CMC2: variants seen among roughly 807,000 people sequenced by gnomAD.
CMC2 encodes the protein COX assembly mitochondrial protein 2 homolog.
Under a neutral mutation model 7.5 loss-of-function variants are expected in CMC2, and 5 were observed. That is an observed-to-expected ratio of 0.66 (90% confidence interval 0.35 to 1.40). CMC2 has a LOEUF of 1.40. Ranked by LOEUF, CMC2 falls within the 40% of genes most tolerant of loss-of-function variation. The pLI is 0.04. For synonymous variants in CMC2, 37 were observed against 31.4 expected (o/e 1.18, Z -0.60); for missense variants, 115 against 92.3 (o/e 1.25, Z -1.01).
At chr16:81,004,755 T>A (rs898452716) in intron 1 of CMC2, among the ~76,000 whole-genome samples, 2 of 152,204 alleles carry the variant, frequency 1.3e-5, no homozygotes, top group Non-Finnish European at 2.9e-5. Context: ...ACTCCTTCAA[T>A]CTTTGTCTAC....
In CMC2 at chr16:80,997,066, C is replaced by T. The variant is rs12103409; in HGVS notation, c.81+248G>A. 9.2e-3 allele frequency: 5,021 copies of T among 548,350 alleles called. 175 individuals are homozygous for T. Among genetic ancestry groups the T allele is most frequent in the African/African-American group, 0.081 (4,286 of 52,706 alleles). The allele number at this position is 548,350 out of a possible 1,614,324, so 34.0% of individuals were successfully genotyped here. On this transcript the variant is annotated intron_variant, in intron 2 of 3. Coordinates refer to ENST00000219400, the MANE Select transcript of CMC2 (RefSeq NM_020188.5). ...GCATTTTATTGTAAGAACATGGATTCCAACTGTTACATACCAGTTCAGACG... is the reference window on the plus strand; with the variant it reads ...GCATTTTATTGTAAGAACATGGATTTCAACTGTTACATACCAGTTCAGACG...
At position 80,973,822 on chromosome 16, in the gene CMC2, G is replaced by T. The variant is rs1912095897; in HGVS notation, c.*2271C>A. 6.6e-6 allele frequency: 1 copy of T among 152,172 alleles called. No homozygotes were observed. The highest frequency in any genetic ancestry group is 2.4e-5 in the African/African-American group (1 of 41,428). 9.4% of individuals were successfully genotyped at this position (152,172 alleles called of 1,614,324 possible). ...CTTTACTCTACAGGGATCAGCAACA[G>T]CTGCAACACAAGAGAGTAAGACCTA... is the stretch of plus-strand genomic sequence containing the variant. On this transcript the variant is annotated 3_prime_UTR_variant, in exon 4 of 4. Coordinates refer to ENST00000219400, the MANE Select transcript of CMC2 (RefSeq NM_020188.5).
intron 2 of CMC2, among the ~76,000 whole-genome samples, chr16:80,995,833 G>A (rs1214179817): frequency 6.6e-6 from 1 of 152,164 alleles, no homozygotes; most frequent in Non-Finnish European, 1.5e-5. Flanking sequence ...GATCTTGACT[G>A]TGATGGTGGT....
intron 1 of CMC2, among the ~76,000 whole-genome samples, chr16:81,005,972 A>C (rs1482053221): frequency 6.6e-6 from 1 of 152,226 alleles, no homozygotes; most frequent in African/African-American, 2.4e-5. Flanking sequence ...AAAGGATGAA[A>C]AAGAAACTCA....
rs1468960317 is a variant in CMC2 at position 80,969,201 on chromosome 16, T to C, written c.*6892A>G. 2 of 152,104 alleles carry C rather than the reference T, an allele frequency of 1.3e-5. No homozygotes were observed. The highest frequency in any genetic ancestry group is 2.9e-5 in the Non-Finnish European group (2 of 68,028). The allele number at this position is 152,104 out of a possible 1,614,324, so 9.4% of individuals were successfully genotyped here. ...AGACAGTATTTACAACAAAATTAGG[T>C]TAAAATGTAACCCTCATATCCCAAA... On this transcript the variant is annotated 3_prime_UTR_variant, in exon 4 of 4. Transcript: ENST00000219400.
chr16:80,997,296 G>C lies in CMC2; in HGVS notation c.81+18C>G, dbSNP rs543245885. On this transcript the variant is annotated intron_variant, in intron 2 of 3. Coordinates refer to ENST00000219400, the MANE Select transcript of CMC2 (RefSeq NM_020188.5). ...TAAGTTTCATTTTGGCTGTACAGTC[G>C]TTTTTCTGAACTCTTACATTTTTGT... 2.9e-6 allele frequency: 4 copies of C among 1,376,544 alleles called. No homozygotes were observed. Among genetic ancestry groups the C allele is most frequent in the African/African-American group, 1.4e-5 (1 of 70,068 alleles). The allele number at this position is 1,376,544 out of a possible 1,614,324, so 85.3% of individuals were successfully genotyped here. A position where few individuals can be genotyped will look rare whatever the true frequency, so the allele number is the denominator to read the frequency against.
rs756277382 is a variant in CMC2, at chr16:80,976,196, G to C, written c.154-17C>G. 1.3e-5 allele frequency: 18 copies of C among 1,406,412 alleles called. No individual in the cohort carries two copies. The African/African-American group carries it at 2.2e-4, about 17-fold the overall frequency. 87.1% of individuals were successfully genotyped at this position (1,406,412 alleles called of 1,614,324 possible). ...TTCTACGTACTGAAAAATAAAAGAA[G>C]GGGGGGAGAAAAGAAACAGCAGATT... On this transcript the variant is annotated splice_polypyrimidine_tract_variant and intron_variant, in intron 3 of 3. Transcript: ENST00000219400.
chr16:81,001,130 T>C (rs545159667), intron 1 of CMC2: 1 of 152,240 alleles, frequency 6.6e-6, no homozygotes, highest in Admixed American at 6.5e-5. Flanking sequence ...CACTTATAAG[T>C]GGGAGCTAAA....
intron 1 of CMC2, among the ~76,000 whole-genome samples, chr16:81,003,343 T>C (rs571677332): frequency 1.3e-3 from 194 of 152,388 alleles, no homozygotes; most frequent in African/African-American, 4.5e-3. Context: ...CATAAGAAGA[T>C]ATCAACGTTA....
intron 2 of CMC2, among the ~76,000 whole-genome samples, chr16:80,995,977 C>A (rs1968386132): frequency 6.6e-6 from 1 of 151,078 alleles, no homozygotes. Context: ...TTCAAGAAGC[C>A]ACCTTTATTA....
chr16:80,992,805 C>T (rs1968111821), intron 2 of CMC2, among the ~76,000 whole-genome samples: 1 of 150,624 alleles, frequency 6.6e-6, no homozygotes, highest in Non-Finnish European at 1.5e-5. Context: ...GATCCTACTA[C>T]CTCAACCTTC....
At chr16:80,978,352 C>A in intron 3 of CMC2, 1 of 1,265,110 alleles carries the variant, frequency 7.9e-7, no homozygotes, top group Non-Finnish European at 1.0e-6. Context: ...AGTTACAAAG[C>A]AAATTAAAAT....
At chr16:80,990,349 T>C (rs1967882649) in intron 2 of CMC2, among the ~76,000 whole-genome samples, 1 of 152,146 alleles carries the variant, frequency 6.6e-6, no homozygotes, top group Admixed American at 6.5e-5. Context: ...TTTTTATTTT[T>C]GGTAGAGATG....
chr16:80,985,347 G>A (rs932442065), intron 2 of CMC2, among the ~76,000 whole-genome samples: 2 of 152,160 alleles, frequency 1.3e-5, no homozygotes, highest in East Asian at 3.8e-4. Flanking sequence ...ACAACAGATT[G>A]AATGTAGAGG....
rs763310901 is a variant in CMC2, at chr16:80,967,739, A to T, written c.*8354T>A. On this transcript the variant is annotated 3_prime_UTR_variant, in exon 4 of 4. Transcript: ENST00000219400. Reference sequence around the variant, plus strand: ...TGGATGCTCTGTAAGCAAATACTCCAGTGAAAAATAGCCAGGTCTAAATTT... The same window carrying T: ...TGGATGCTCTGTAAGCAAATACTCCTGTGAAAAATAGCCAGGTCTAAATTT... The T allele has an allele frequency of 3.3e-5, 5 of 152,224 alleles. No individual in the cohort carries two copies. Among genetic ancestry groups the T allele is most frequent in the Non-Finnish European group, 5.9e-5 (4 of 68,028 alleles). 9.4% of individuals were successfully genotyped at this position (152,224 alleles called of 1,614,324 possible). A position where few individuals can be genotyped will look rare whatever the true frequency, so the allele number is the denominator to read the frequency against.
At chr16:80,990,974 G>A (rs34638844) in intron 2 of CMC2, among the ~76,000 whole-genome samples, 2,649 of 149,626 alleles carry the variant, frequency 0.018, 50 homozygotes, top group East Asian at 0.053. Context: ...CAATCCTCCC[G>A]CCTCAGACTC....
At position 80,966,956 on chromosome 16, in the gene CMC2, C is replaced by T. The variant is rs1042166380; in HGVS notation, c.*9137G>A. On this transcript the variant is annotated 3_prime_UTR_variant, in exon 4 of 4. Coordinates refer to ENST00000219400, the MANE Select transcript of CMC2 (RefSeq NM_020188.5). ...CCCGTCTTATTTTAATTACATCCAA[C>T]AATGTACCTATCAAGTGATCTACAG... 1.6e-4 allele frequency: 24 copies of T among 152,180 alleles called. No individual in the cohort carries two copies. The highest frequency in any genetic ancestry group is 5.8e-4 in the African/African-American group (24 of 41,436). The allele number at this position is 152,180 out of a possible 1,614,324, so 9.4% of individuals were successfully genotyped here.
intron 3 of CMC2, among the ~76,000 whole-genome samples, chr16:80,979,621 T>A (rs1413443904): frequency 3.3e-5 from 5 of 152,096 alleles, no homozygotes; most frequent in African/African-American, 9.6e-5. Flanking sequence ...TATTTTATTT[T>A]TTTTTAATTT....
At chr16:81,002,547 C>A (rs1184394754) in intron 1 of CMC2, among the ~76,000 whole-genome samples, 1 of 152,152 alleles carries the variant, frequency 6.6e-6, no homozygotes, top group Non-Finnish European at 1.5e-5. Flanking sequence ...AAATGTGTGC[C>A]TTTACAATTC....
Sources: gnomAD v4.1 joint callset for allele counts (sites outside exome capture counted in the v4.1 genomes callset) on GRCh38, gnomAD v4.1.1 for gene constraint, MANE v1.5 for transcripts, NCBI Gene and HGNC (gene_info 2026-07-23, HGNC 2026-07-21) for gene names.